The following NKAIN3 variants were observed in gnomAD, a reference collection of about 807,000 sequenced individuals.
NKAIN3 encodes sodium/potassium-transporting ATPase subunit beta-1-interacting protein 3.
NKAIN3 carries 25 observed loss-of-function variants against 30.2 expected under a neutral mutation model. The ratio of observed to expected loss-of-function variants is 0.83; its 90% CI spans 0.60 to 1.16. The LOEUF is 1.16. Ranked by LOEUF, NKAIN3 falls within the 50% of genes most tolerant of loss-of-function variation. The pLI is 0.00. For missense variants in NKAIN3, 225 were observed against 254.1 expected (o/e 0.89, Z 0.78); for synonymous variants, 91 against 89.6 (o/e 1.02, Z -0.09).
intron 1 of NKAIN3, among the ~76,000 whole-genome samples, chr8:62,349,293 A>G (rs936121862): frequency 6.6e-6 from 1 of 152,156 alleles, no homozygotes. Context: ...GGATTAGAGC[A>G]AGCTGCCTTG....
intron 4 of NKAIN3, among the ~76,000 whole-genome samples, chr8:62,762,954 T>G (rs1277813526): frequency 6.6e-6 from 1 of 152,092 alleles, no homozygotes; most frequent in East Asian, 1.9e-4. Context: ...CTGGGCACAG[T>G]GGCTCACACC....
At chr8:62,986,825 T>C (rs538989855), downstream of NKAIN3, among the ~76,000 whole-genome samples, 141 of 152,282 alleles carry the variant, frequency 9.3e-4, 1 homozygote, top group Middle Eastern at 6.8e-3. Context: ...CTGCTTAAAA[T>C]CTTGAAATAG....
chr8:62,331,079 GTC>G (rs1303720351), intron 1 of NKAIN3, among the ~76,000 whole-genome samples: 6 of 124,876 alleles, frequency 4.8e-5, no homozygotes, highest in South Asian at 2.6e-4. Flanking sequence ...CTCTCTCTCT[GTC>G]TCTCTCTCTC....
intron 4 of NKAIN3, among the ~76,000 whole-genome samples, chr8:62,883,457 G>GTTTTTGTTTTTTTTTT (rs1821053534): frequency 1.4e-5 from 1 of 70,226 alleles, no homozygotes; most frequent in Non-Finnish European, 2.4e-5. Flanking sequence ...AGTTTTATGG[G>GTTTTTGTTTTTTTTTT]TTTTTTTTTT....
intron 4 of NKAIN3, among the ~76,000 whole-genome samples, chr8:62,860,452 C>T (rs1234047576): frequency 3.9e-5 from 6 of 152,170 alleles, no homozygotes; most frequent in Admixed American, 3.9e-4. Flanking sequence ...ACCATAGATG[C>T]CAGTTTGCTT....
chr8:62,344,450 A>G (rs1353371167), intron 1 of NKAIN3, among the ~76,000 whole-genome samples: 1 of 152,106 alleles, frequency 6.6e-6, no homozygotes, highest in Non-Finnish European at 1.5e-5. Flanking sequence ...AGTGATTAAA[A>G]GCATTTTAAA....
At chr8:62,590,817 C>T (rs1810628573) in intron 3 of NKAIN3, among the ~76,000 whole-genome samples, 2 of 151,686 alleles carry the variant, frequency 1.3e-5, no homozygotes, top group Admixed American at 1.3e-4. Context: ...TCTTTTTTCT[C>T]CACTATAATA....
chr8:62,952,860 G>T (rs1823322299), intron 5 of NKAIN3, among the ~76,000 whole-genome samples: 2 of 152,040 alleles, frequency 1.3e-5, no homozygotes, highest in Admixed American at 1.3e-4. Context: ...CTTGAGAAAA[G>T]ACATTTTAGA....
At chr8:62,802,700 C>T (rs1397863355) in intron 4 of NKAIN3, among the ~76,000 whole-genome samples, 1 of 152,148 alleles carries the variant, frequency 6.6e-6, no homozygotes, top group Non-Finnish European at 1.5e-5. Context: ...GAAGAAATTG[C>T]ATCAATTAAT....
At chr8:62,588,999 A>G (rs1331161466) in intron 2 of NKAIN3, among the ~76,000 whole-genome samples, 1 of 151,812 alleles carries the variant, frequency 6.6e-6, no homozygotes, top group Non-Finnish European at 1.5e-5. Flanking sequence ...CTTAATTAAG[A>G]CCGACTAATA....
intron 3 of NKAIN3, among the ~76,000 whole-genome samples, chr8:62,693,585 C>T (rs994287721): frequency 2.6e-5 from 4 of 152,194 alleles, no homozygotes; most frequent in African/African-American, 7.2e-5. Flanking sequence ...CTGCTCACCA[C>T]CTTAAGCAAG....
intron 1 of NKAIN3, among the ~76,000 whole-genome samples, chr8:62,289,200 C>A (rs1459519101): frequency 6.6e-6 from 1 of 152,134 alleles, no homozygotes; most frequent in African/African-American, 2.4e-5. Context: ...GTTGCCTGTT[C>A]ACTCTGATGG....
At chr8:62,302,250 T>A (rs890746129) in intron 1 of NKAIN3, among the ~76,000 whole-genome samples, 8 of 152,050 alleles carry the variant, frequency 5.3e-5, no homozygotes, top group African/African-American at 1.9e-4. Flanking sequence ...TTCTGTATAC[T>A]TGCTCATTAA....
chr8:62,631,552 T>C (rs936253390), intron 3 of NKAIN3, among the ~76,000 whole-genome samples: 1 of 152,182 alleles, frequency 6.6e-6, no homozygotes, highest in South Asian at 2.1e-4. Context: ...CCAAAATATT[T>C]AGCAAGATAC....
intron 4 of NKAIN3, chr8:62,863,591 C>T (rs985349670): frequency 8.6e-7 from 1 of 1,158,588 alleles, no homozygotes; most frequent in Non-Finnish European, 1.3e-6. Flanking sequence ...CCCATTCATG[C>T]CTGAAATCTT....
chr8:62,544,083 C>T (rs985059177), intron 1 of NKAIN3, among the ~76,000 whole-genome samples: 1 of 152,114 alleles, frequency 6.6e-6, no homozygotes, highest in African/African-American at 2.4e-5. Flanking sequence ...CTCACTGCGA[C>T]CTCTGCCTCC....
intron 4 of NKAIN3, among the ~76,000 whole-genome samples, chr8:62,877,870 G>T (rs956502318): frequency 3.3e-5 from 5 of 151,920 alleles, no homozygotes; most frequent in Non-Finnish European, 5.9e-5. Flanking sequence ...AAGAAACCCT[G>T]TCTCTACTAA....
intron 1 of NKAIN3, among the ~76,000 whole-genome samples, chr8:62,317,571 A>G (rs1475090755): frequency 2.0e-5 from 3 of 152,218 alleles, no homozygotes; most frequent in African/African-American, 7.2e-5. Context: ...GGTTTGTCAA[A>G]GATCAGATGG....
At chr8:62,252,435 G>A (rs907148455) in intron 1 of NKAIN3, among the ~76,000 whole-genome samples, 2 of 152,166 alleles carry the variant, frequency 1.3e-5, no homozygotes, top group Non-Finnish European at 2.9e-5. Flanking sequence ...AAATTTACTT[G>A]GAGAAAACAT....
Sources: allele counts gnomAD v4.1 joint callset (sites outside exome capture counted in the v4.1 genomes callset), GRCh38; gene constraint gnomAD v4.1.1; transcripts MANE v1.5; gene names NCBI Gene and HGNC (gene_info 2026-07-23, HGNC 2026-07-21).